Variants in FGF13 observed in about 807,000 individuals in gnomAD.
The protein encoded by FGF13 is fibroblast growth factor 13, also known as fibroblast growth factor homologous factor 2.
Under a neutral mutation model 19.5 loss-of-function variants are expected in FGF13, and 2 were observed. The observed-to-expected ratio is 0.10, with a 90% CI of 0.04 to 0.32. FGF13 has a LOEUF of 0.32. Ranked by LOEUF, FGF13 falls within the 10% of genes least tolerant of loss-of-function variation. The pLI is 1.00. For synonymous variants in FGF13, 72 were observed against 76.9 expected, an observed-to-expected ratio of 0.94 and a Z score of 0.33; for missense variants, 113 against 192.7, an observed-to-expected ratio of 0.59 and a Z score of 2.45.
At chrX:138,709,027 T>G (rs1445953855) in intron 1 of FGF13, 99 bp from the exon 2 acceptor site, 1 of 466,611 alleles carries the variant, frequency 2.1e-6, no homozygotes, top group Non-Finnish European at 3.6e-6. Flanking sequence ...CAAATCTTAA[T>G]GGAAAAAGTC....
chrX:138,923,428 AG>A lies in FGF13; in HGVS notation c.-112-58779del, dbSNP rs770900249. Among the ~76,000 whole-genome samples, 6 of 112,504 alleles carry A rather than the reference AG, an allele frequency of 5.3e-5. No homozygotes were observed. The East Asian group carries it at 1.7e-3, about 31-fold the overall frequency. ...TATTTAACTATATGATCAAAATATA[AG>A]GATGATTCACTGACTTTTCTAGGTT... On this transcript the variant is annotated intron_variant, in intron 1 of 2. Transcript: ENST00000421460.
At chrX:138,723,567 G>A (rs2090163411) in intron 1 of FGF13, among the ~76,000 whole-genome samples, 2 of 111,246 alleles carry the variant, frequency 1.8e-5, no homozygotes, top group Non-Finnish European at 3.8e-5. Context: ...TTGGCGATGC[G>A]TGGAATTCAT....
intron 1 of FGF13, among the ~76,000 whole-genome samples, chrX:139,033,827 T>C (rs1300263718): frequency 1.8e-5 from 2 of 111,988 alleles, no homozygotes; most frequent in Admixed American, 1.9e-4. Flanking sequence ...ATATGACCTT[T>C]TCTTGCATAG....
intron 1 of FGF13, among the ~76,000 whole-genome samples, chrX:139,124,005 G>A (rs2083696688): frequency 8.9e-6 from 1 of 112,017 alleles, no homozygotes; most frequent in African/African-American, 3.2e-5. Flanking sequence ...GCCAGAGTGT[G>A]GAGTTATTCA....
At chrX:138,796,253 A>G (rs1253443988) in intron 3 of FGF13, among the ~76,000 whole-genome samples, 3 of 110,429 alleles carry the variant, frequency 2.7e-5, no homozygotes, top group Non-Finnish European at 3.8e-5. Flanking sequence ...CCGGTGTGTG[A>G]TCTTCCCCTC....
chrX:139,193,905 A>G (rs750619579), intron 1 of FGF13, among the ~76,000 whole-genome samples: 3 of 111,903 alleles, frequency 2.7e-5, no homozygotes, highest in Non-Finnish European at 5.6e-5. Flanking sequence ...ATCTATTTAC[A>G]TATGTGCATA....
intron 3 of FGF13, among the ~76,000 whole-genome samples, chrX:138,818,169 T>C (rs1272542765): frequency 9.0e-6 from 1 of 111,315 alleles, no homozygotes; most frequent in Non-Finnish European, 1.9e-5. Context: ...TGGTTGTGCT[T>C]AGAGATTTCT....
At chrX:138,891,920 G>T (rs1207779585) in intron 1 of FGF13, among the ~76,000 whole-genome samples, 1 of 110,340 alleles carries the variant, frequency 9.1e-6, no homozygotes, top group East Asian at 2.9e-4. Context: ...TCCCCAGCTT[G>T]CAGATGGCCT....
chrX:138,718,214 G>A (rs2090123081), intron 1 of FGF13, among the ~76,000 whole-genome samples: 1 of 111,827 alleles, frequency 8.9e-6, no homozygotes, highest in South Asian at 3.7e-4. Context: ...CATTAAGTGA[G>A]GTGCTTCTAT....
chrX:138,813,721 G>C lies in FGF13; in HGVS notation c.217+43791C>G, dbSNP rs184370438. Among the ~76,000 whole-genome samples, 289 of 112,105 alleles carry C rather than the reference G, an allele frequency of 2.6e-3. 1 individual carries two copies. Among genetic ancestry groups the C allele is most frequent in the Non-Finnish European group, 2.6e-3 (137 of 53,181 alleles). On this transcript the variant is annotated intron_variant, in intron 3 of 6. Coordinates refer to the FGF13 transcript ENST00000436198. ...TATGCAATTCCACTTTTAAGACTCA[G>C]TGCAGAATTTTCTCCACTTGTTGAG... is the stretch of plus-strand genomic sequence containing the variant.
intron 1 of FGF13, among the ~76,000 whole-genome samples, chrX:139,102,910 T>C (rs1040023713): frequency 1.8e-5 from 2 of 112,584 alleles, no homozygotes; most frequent in African/African-American, 3.2e-5. Context: ...AAACAGAGTC[T>C]AGATAAGACA....
At chrX:139,018,417 G>T (rs2092163031) in intron 1 of FGF13, among the ~76,000 whole-genome samples, 1 of 111,339 alleles carries the variant, frequency 9.0e-6, no homozygotes, top group African/African-American at 3.3e-5. Context: ...GAGGCCCGAG[G>T]TATGTCTCAA....
chrX:138,621,286 A>G lies in FGF13; in HGVS notation c.*11564T>C, dbSNP rs1353165862. The G allele has an allele frequency of 8.9e-6, 1 of 111,843 alleles. No homozygotes were observed. The highest frequency in any genetic ancestry group is 9.5e-5 in the Admixed American group (1 of 10,501). 9.2% of individuals were successfully genotyped at this position (111,843 alleles called of 1,213,427 possible). The stretch of plus-strand genomic sequence containing the variant: ...GAAATCATACCAAATATCTTTTCTG[A>G]CCACAATGCTAAGAAACTGGAAATC... On this transcript the variant is annotated 3_prime_UTR_variant, in exon 5 of 5. Transcript: ENST00000315930.
At chrX:138,977,966 AT>A (rs1474211619) in intron 1 of FGF13, among the ~76,000 whole-genome samples, 1 of 111,878 alleles carries the variant, frequency 8.9e-6, no homozygotes, top group Non-Finnish European at 1.9e-5. Flanking sequence ...GAAAAACTCC[AT>A]TTTTTATTCA....
Position 138,711,483 on chromosome X carries a change from A to C in FGF13, c.-480T>G. The C allele has an allele frequency of 2.7e-6, 2 of 743,227 alleles. No individual in the cohort carries two copies. Among genetic ancestry groups the C allele is most frequent in the South Asian group, 1.4e-4 (2 of 14,564 alleles). The allele number at this position is 743,227 out of a possible 1,213,427, so 61.3% of individuals were successfully genotyped here. A position where few individuals can be genotyped will look rare whatever the true frequency, so the allele number is the denominator to read the frequency against. ...GCCGGGAGCTCGGGCGGCCGGACGG[A>C]GGAGGGACGAGGCAGCGCGCGGGGG... On this transcript the variant is annotated 5_prime_UTR_variant, in exon 1 of 5. Transcript: ENST00000315930.
intron 3 of FGF13, among the ~76,000 whole-genome samples, chrX:138,638,265 AC>A (rs1478500765): frequency 8.9e-6 from 1 of 112,043 alleles, no homozygotes; most frequent in Non-Finnish European, 1.9e-5. Flanking sequence ...TTCAGTCACT[AC>A]CATGCCTTCC....
At chrX:138,786,873 A>G (rs1250301681) in intron 3 of FGF13, among the ~76,000 whole-genome samples, 1 of 112,208 alleles carries the variant, frequency 8.9e-6, no homozygotes, top group African/African-American at 3.2e-5. Flanking sequence ...ACATATCACC[A>G]GTTCTATTAG....
Position 139,078,300 on chromosome X carries a change from G to T in FGF13, c.-113+125116C>A, listed in dbSNP as rs760582833. ...GCAAATCAAGCATGCTAACACTTCT[G>T]TTGCCAGCGGCTTGCCCTAAACAAT... On this transcript the variant is annotated intron_variant, in intron 1 of 2. Transcript: ENST00000421460. Among the ~76,000 whole-genome samples, 3 of 110,325 alleles carry T rather than the reference G, an allele frequency of 2.7e-5. No individual in the cohort carries two copies. The East Asian group carries it at 8.8e-4, about 32-fold the overall frequency.
At chrX:138,638,005 T>C (rs776919748) in intron 3 of FGF13, among the ~76,000 whole-genome samples, 4 of 111,439 alleles carry the variant, frequency 3.6e-5, no homozygotes, top group Admixed American at 2.9e-4. Context: ...GGCCTTTCAT[T>C]TCATTCCTGT....
Sources: allele counts gnomAD v4.1 joint callset (sites outside exome capture counted in the v4.1 genomes callset), GRCh38; gene constraint gnomAD v4.1.1; transcripts MANE v1.5; gene names NCBI Gene and HGNC (gene_info 2026-07-23, HGNC 2026-07-21).